The following TRDN variants were observed in gnomAD, a reference collection of about 807,000 sequenced individuals.
The protein encoded by TRDN is triadin, also known as triadin in skeletal muscle.
Under a neutral mutation model 149.7 loss-of-function variants are expected in TRDN, and 161 were observed. That is an observed-to-expected ratio of 1.08 (90% CI 0.95 to 1.23). The LOEUF is 1.23. TRDN is among the 50% of genes most tolerant of loss of function. The pLI, the probability that TRDN is intolerant of heterozygous loss-of-function variation, is 0.00. For missense variants in TRDN, 896 were observed against 823.5 expected, an observed-to-expected ratio of 1.09 and a Z score of -1.08; for synonymous variants, 294 against 250.5, an observed-to-expected ratio of 1.17 and a Z score of -1.64.
intron 1 of TRDN, among the ~76,000 whole-genome samples, chr6:123,583,206 C>CAG (rs1363474968): frequency 6.6e-6 from 1 of 152,068 alleles, no homozygotes; most frequent in Non-Finnish European, 1.5e-5. Context: ...CTTGGAGAAA[C>CAG]TGTAAACCGG....
intron 28 of TRDN, 131 bp from the exon 29 acceptor site, chr6:123,273,142 A>T: frequency 1.3e-6 from 1 of 752,972 alleles, no homozygotes; most frequent in Non-Finnish European, 2.0e-6. Flanking sequence ...TCTATGTAAA[A>T]CTTAAAGGTT....
At chr6:123,469,536 A>T (rs1056915940) in intron 9 of TRDN, 3 of 152,240 alleles carry the variant, frequency 2.0e-5, no homozygotes, top group Admixed American at 2.0e-4. Flanking sequence ...TGAGGTGGGC[A>T]GGCACAGGAT....
chr6:123,296,937 C>A (rs2114661419), intron 24 of TRDN, among the ~76,000 whole-genome samples: 1 of 152,022 alleles, frequency 6.6e-6, no homozygotes, highest in Admixed American at 6.6e-5. Context: ...TGCTTCATGT[C>A]AGGATAGATA....
chr6:123,302,774 G>A (rs1778473408), intron 24 of TRDN, among the ~76,000 whole-genome samples: 1 of 152,020 alleles, frequency 6.6e-6, no homozygotes, highest in Admixed American at 6.6e-5. Context: ...ATTTTAATGT[G>A]CATATAAATG....
At chr6:123,361,336 A>T (rs1393506709) in intron 20 of TRDN, among the ~76,000 whole-genome samples, 1 of 152,102 alleles carries the variant, frequency 6.6e-6, no homozygotes, top group Admixed American at 6.6e-5. Context: ...GAACAATGAG[A>T]ACAGGGAGGG....
chr6:123,303,502 C>T (rs923237021), intron 24 of TRDN, among the ~76,000 whole-genome samples: 6 of 151,992 alleles, frequency 3.9e-5, no homozygotes, highest in African/African-American at 1.5e-4. Context: ...TGCAAACAGA[C>T]CAAGGATAAA....
chr6:123,622,945 T>C (rs1249467114), intron 1 of TRDN, among the ~76,000 whole-genome samples: 1 of 152,164 alleles, frequency 6.6e-6, no homozygotes, highest in Non-Finnish European at 1.5e-5. Flanking sequence ...TTAGCTTGTG[T>C]AAAACTCTAT....
At chr6:123,606,483 A>T (rs1376881117) in intron 1 of TRDN, among the ~76,000 whole-genome samples, 2 of 151,856 alleles carry the variant, frequency 1.3e-5, no homozygotes, top group Non-Finnish European at 2.9e-5. Context: ...TATATCTTAA[A>T]TTTTCATTCT....
intron 1 of TRDN, among the ~76,000 whole-genome samples, chr6:123,610,906 T>A (rs1456042557): frequency 6.6e-6 from 1 of 152,082 alleles, no homozygotes; most frequent in African/African-American, 2.4e-5. Flanking sequence ...TGCCACAGAT[T>A]TGAGAGGCCC....
intron 11 of TRDN, 42 bp downstream of exon 11, chr6:123,438,902 C>A (rs1413498516): frequency 6.9e-7 from 1 of 1,448,184 alleles, no homozygotes; most frequent in Non-Finnish European, 9.4e-7. Flanking sequence ...TATGCATGGA[C>A]ACTAATTGAT....
At position 123,577,408 on chromosome 6, in the gene TRDN, C is replaced by A. The variant is rs148481018; in HGVS notation, c.23-6276G>T. On this transcript the variant is annotated intron_variant, in intron 1 of 40. Coordinates refer to ENST00000334268, the MANE Select transcript of TRDN (RefSeq NM_006073.4). ...GTGAGAACATGCGATATTTCATTTT[C>A]TGTTCCTGCATTAGTTTCCTAAAGA... is the stretch of plus-strand genomic sequence containing the variant. 2.4e-4 allele frequency among the ~76,000 whole-genome samples: 37 copies of A among 152,212 alleles called. 1 individual carries two copies. The highest frequency in any genetic ancestry group is 3.4e-3 in the Middle Eastern group (1 of 294).
At chr6:123,397,353 A>G (rs1772775700) in intron 12 of TRDN, among the ~76,000 whole-genome samples, 1 of 152,120 alleles carries the variant, frequency 6.6e-6, no homozygotes, top group African/African-American at 2.4e-5. Context: ...ACTGACCTCC[A>G]CAGTACAGAT....
intron 38 of TRDN, among the ~76,000 whole-genome samples, chr6:123,235,628 A>G (rs1775757748): frequency 6.6e-6 from 1 of 152,146 alleles, no homozygotes; most frequent in Non-Finnish European, 1.5e-5. Flanking sequence ...GAATTTTAAG[A>G]CATGTATATG....
chr6:123,622,951 T>C (rs1432303362), intron 1 of TRDN, among the ~76,000 whole-genome samples: 1 of 152,108 alleles, frequency 6.6e-6, no homozygotes, highest in Non-Finnish European at 1.5e-5. Context: ...TGTGTAAAAC[T>C]CTATCGGGCA....
At chr6:123,516,030 T>A (rs1779395290) in intron 6 of TRDN, 111 bp downstream of exon 6, 1 of 1,129,496 alleles carries the variant, frequency 8.9e-7, no homozygotes, top group African/African-American at 1.6e-5. Context: ...GAGAAAATAA[T>A]CCTAATCTAA....
intron 5 of TRDN, chr6:123,529,283 G>A (rs776851046): frequency 1.3e-6 from 2 of 1,548,996 alleles, no homozygotes; most frequent in Admixed American, 2.0e-5. Flanking sequence ...CTCAAGAGCT[G>A]TGTCCAACTT....
At chr6:123,524,878 G>A (rs1056260758) in intron 5 of TRDN, among the ~76,000 whole-genome samples, 5 of 152,058 alleles carry the variant, frequency 3.3e-5, no homozygotes, top group Admixed American at 3.3e-4. Context: ...ACCATGAACT[G>A]TAAACTTGGT....
chr6:123,254,275 A>G (rs1000394758), intron 37 of TRDN, among the ~76,000 whole-genome samples: 1 of 152,020 alleles, frequency 6.6e-6, no homozygotes, highest in Non-Finnish European at 1.5e-5. Context: ...TTACCTCTTA[A>G]TATTAGTGAT....
intron 2 of TRDN, among the ~76,000 whole-genome samples, chr6:123,569,434 C>T (rs1444929201): frequency 2.0e-5 from 3 of 152,206 alleles, no homozygotes; most frequent in Non-Finnish European, 4.4e-5. Context: ...GTTGCTTCCA[C>T]ATTTTCTGGT....
Sources: gnomAD v4.1 joint callset for allele counts (sites outside exome capture counted in the v4.1 genomes callset) on GRCh38, gnomAD v4.1.1 for gene constraint, MANE v1.5 for transcripts, NCBI Gene and HGNC (gene_info 2026-07-23, HGNC 2026-07-21) for gene names.